Variants in COL28A1 observed in about 807,000 individuals in gnomAD.
COL28A1 encodes collagen alpha-1(XXVIII) chain.
COL28A1 carries 161 observed loss-of-function variants against 150.2 expected under a neutral mutation model. That is an observed-to-expected ratio of 1.07 (90% CI 0.94 to 1.22). The LOEUF is 1.22. COL28A1 is among the 50% of genes most tolerant of loss of function. The probability of loss-of-function intolerance (pLI) is 0.00; values close to 1 mark genes in which losing one functional copy is unlikely to be tolerated. For missense variants in COL28A1, 1,617 were observed against 1,388.3 expected (o/e 1.16, Z -2.62); for synonymous variants, 552 against 469.7 (o/e 1.18, Z -2.26).
At chr7:7,423,731 G>A (rs1407161621) in intron 25 of COL28A1, among the ~76,000 whole-genome samples, 1 of 152,030 alleles carries the variant, frequency 6.6e-6, no homozygotes, top group Non-Finnish European at 1.5e-5. Flanking sequence ...CCCACACATG[G>A]GAAAGCAAGC....
rs76085524 is a variant in COL28A1 at position 7,386,567 on chromosome 7, G to A, written c.2137-4955C>T. ...GGTGGAGGTGCCACATGTTATACAA[G>A]CTGGTGAGAATTTAGCTAAAATTTT... On this transcript the variant is annotated intron_variant, in intron 27 of 34. Coordinates refer to ENST00000399429, the MANE Select transcript of COL28A1 (RefSeq NM_001037763.3). Among the ~76,000 whole-genome samples, 770 of 152,304 alleles carry A rather than the reference G, an allele frequency of 5.1e-3. 11 individuals carry two copies. Among genetic ancestry groups the A allele is most frequent in the African/African-American group, 0.018 (742 of 41,556 alleles).
intron 15 of COL28A1, among the ~76,000 whole-genome samples, chr7:7,459,589 C>T (rs889030394): frequency 2.0e-5 from 3 of 152,160 alleles, no homozygotes; most frequent in Non-Finnish European, 4.4e-5. Context: ...TTCTTATATC[C>T]TTCCCCCTCT....
At chr7:7,432,423 C>T (rs371314459) in intron 25 of COL28A1, 50 bp downstream of exon 25, 158 of 1,478,258 alleles carry the variant, frequency 1.1e-4, no homozygotes, top group Non-Finnish European at 1.3e-4. Flanking sequence ...AGTCACCTAC[C>T]TATAGGTGCA....
the COL28A1 span, among the ~76,000 whole-genome samples, chr7:7,339,327 C>T: frequency 6.6e-6 from 1 of 152,112 alleles, no homozygotes; most frequent in African/African-American, 2.4e-5. Flanking sequence ...AGTCTTGCAC[C>T]AGCCCTAACA....
chr7:7,412,339 T>A (rs10248825), intron 27 of COL28A1, among the ~76,000 whole-genome samples: 1 of 151,954 alleles, frequency 6.6e-6, no homozygotes, highest in South Asian at 2.1e-4. Flanking sequence ...AACACACACA[T>A]TGGACGGTTA....
At chr7:7,392,116 T>C (rs577490295) in intron 27 of COL28A1, among the ~76,000 whole-genome samples, 1 of 152,338 alleles carries the variant, frequency 6.6e-6, no homozygotes, top group Non-Finnish European at 1.5e-5. Context: ...TGGCTGGTGC[T>C]GGTTGTTCCT....
chr7:7,434,605 C>T (rs557903388), intron 23 of COL28A1, among the ~76,000 whole-genome samples: 5 of 152,252 alleles, frequency 3.3e-5, no homozygotes, highest in East Asian at 3.9e-4. Flanking sequence ...GACACCACAG[C>T]GGAGGGGAAA....
intron 27 of COL28A1, among the ~76,000 whole-genome samples, chr7:7,384,996 G>C (rs898483653): frequency 6.6e-6 from 1 of 152,198 alleles, no homozygotes; most frequent in African/African-American, 2.4e-5. Context: ...TCTGCAGCCT[G>C]CTTCTGAACA....
chr7:7,363,718 G>A (rs1025056326), intron 33 of COL28A1, among the ~76,000 whole-genome samples: 5 of 151,884 alleles, frequency 3.3e-5, no homozygotes, highest in Admixed American at 2.0e-4. Context: ...TGTATGTTCA[G>A]TTTTCTATGC....
intron 4 of COL28A1, among the ~76,000 whole-genome samples, chr7:7,523,317 C>T (rs1781842799): frequency 6.6e-6 from 1 of 151,912 alleles, no homozygotes; most frequent in Non-Finnish European, 1.5e-5. Flanking sequence ...ACCATCACCC[C>T]CAGCTAACTT....
At chr7:7,401,079 T>C (rs1459423750) in intron 27 of COL28A1, among the ~76,000 whole-genome samples, 1 of 149,854 alleles carries the variant, frequency 6.7e-6, no homozygotes, top group Non-Finnish European at 1.5e-5. Flanking sequence ...CTAATGATCA[T>C]GTTTCAGTTC....
At position 7,375,531 on chromosome 7, in the gene COL28A1, G is replaced by A. The variant is rs1781496013; in HGVS notation, c.2323-34C>T. The A allele has an allele frequency of 3.7e-6, 5 of 1,363,046 alleles. No homozygotes were observed. In the South Asian group the frequency reaches 3.8e-5, roughly 10 times the overall value. The allele number at this position is 1,363,046 out of a possible 1,614,324, so 84.4% of individuals were successfully genotyped here. On this transcript the variant is annotated intron_variant, in intron 30 of 34. Transcript: ENST00000399429. The stretch of plus-strand genomic sequence containing the variant: ...TAAAAAGAAAAATGTATTACTATAT[G>A]TATGACTATAATATTTTTCCTAGAG...
At chr7:7,445,452 A>G (rs934762498) in intron 18 of COL28A1, among the ~76,000 whole-genome samples, 1 of 152,196 alleles carries the variant, frequency 6.6e-6, no homozygotes, top group Admixed American at 6.5e-5. Context: ...AGCCTCTAGA[A>G]CTGAGAGACA....
At chr7:7,511,271 G>A in intron 8 of COL28A1, 136 bp from the exon 9 acceptor site, 1 of 640,912 alleles carries the variant, frequency 1.6e-6, no homozygotes, top group South Asian at 1.9e-5. Flanking sequence ...CACAATATTA[G>A]CCTCAATACT....
At chr7:7,395,011 G>A (rs1782755246) in intron 27 of COL28A1, among the ~76,000 whole-genome samples, 1 of 152,196 alleles carries the variant, frequency 6.6e-6, no homozygotes, top group African/African-American at 2.4e-5. Flanking sequence ...ACAGCTATGG[G>A]CTGGGCATGG....
chr7:7,540,389 T>C (rs932838959), upstream of COL28A1, among the ~76,000 whole-genome samples: 2 of 152,262 alleles, frequency 1.3e-5, no homozygotes, highest in Non-Finnish European at 2.9e-5. Context: ...GATTGGTATT[T>C]AAACTTTTCT....
chr7:7,364,691 C>G (rs539561217), intron 33 of COL28A1, among the ~76,000 whole-genome samples: 28 of 152,216 alleles, frequency 1.8e-4, no homozygotes, highest in African/African-American at 6.7e-4. Flanking sequence ...AAGGCCTTAC[C>G]TAGCTAATAA....
rs377002482 is a variant in COL28A1 at position 7,402,272 on chromosome 7, G to A, written c.2136+15587C>T. Among the ~76,000 whole-genome samples, 20 of 152,260 alleles carry A rather than the reference G, an allele frequency of 1.3e-4. No homozygotes were observed. The East Asian group carries it at 3.5e-3, about 26-fold the overall frequency. On this transcript the variant is annotated intron_variant, in intron 27 of 34. Coordinates refer to ENST00000399429, the MANE Select transcript of COL28A1 (RefSeq NM_001037763.3). ...AGAACATTTCGCTTCTTCCCGTCAA[G>A]GCTTGTTGCAATGTCATTATCTTAT...
the COL28A1 span, among the ~76,000 whole-genome samples, chr7:7,340,605 CACTTAG>C: frequency 1.3e-5 from 2 of 152,072 alleles, no homozygotes; most frequent in African/African-American, 4.8e-5. Context: ...TAATGATTTG[CACTTAG>C]ACCAAGCACT....
Sources: gnomAD v4.1 joint callset for allele counts (sites outside exome capture counted in the v4.1 genomes callset) on GRCh38, gnomAD v4.1.1 for gene constraint, MANE v1.5 for transcripts, NCBI Gene and HGNC (gene_info 2026-07-23, HGNC 2026-07-21) for gene names.